ZSCAN5A: variants seen among roughly 807,000 people sequenced by gnomAD.
ZSCAN5A encodes the protein zinc finger and SCAN domain-containing protein 5A.
In ZSCAN5A, 12 loss-of-function variants were observed where a neutral mutation model predicts 23.7. The observed-to-expected ratio is 0.51, with a 90% confidence interval of 0.32 to 0.82. The LOEUF (loss-of-function observed/expected upper bound fraction) is 0.82, where lower values mean the gene tolerates loss of function less well. ZSCAN5A is among the 40% of genes least tolerant of loss of function. ZSCAN5A has a pLI of 0.03. For missense variants in ZSCAN5A, 597 were observed against 617.9 expected (o/e 0.97, Z 0.36); for synonymous variants, 257 against 239.9 (o/e 1.07, Z -0.66).
At chr19:56,289,994 C>A (rs1343681676) in intron 2 of ZSCAN5A, among the ~76,000 whole-genome samples, 1 of 152,170 alleles carries the variant, frequency 6.6e-6, no homozygotes, top group Non-Finnish European at 1.5e-5. Flanking sequence ...ACTGGAGAAC[C>A]TGCCTCTATT....
At chr19:56,339,842 G>A (rs925873269) in intron 2 of ZSCAN5A, among the ~76,000 whole-genome samples, 1 of 151,982 alleles carries the variant, frequency 6.6e-6, no homozygotes, top group Admixed American at 6.6e-5. Context: ...GTGAAGGAGC[G>A]GTTGTAGCCG....
chr19:56,271,860 G>A (rs1475618050), intron 2 of ZSCAN5A, among the ~76,000 whole-genome samples: 1 of 152,180 alleles, frequency 6.6e-6, no homozygotes, highest in Non-Finnish European at 1.5e-5. Flanking sequence ...GGGATACTGG[G>A]TCAAGTTCAT....
At position 56,226,125 on chromosome 19, in the gene ZSCAN5A, G is replaced by C. The variant is rs536486511; in HGVS notation, c.-127-952C>G. ...AGCCCTGCTTTCCTAGACACAGGTGGGGGAAGCAACCTGAAGGTCTGCAGA... is the reference window on the plus strand; with the variant it reads ...AGCCCTGCTTTCCTAGACACAGGTGCGGGAAGCAACCTGAAGGTCTGCAGA... On this transcript the variant is annotated intron_variant, in intron 2 of 5. Transcript: ENST00000683990. 2.1e-3 allele frequency among the ~76,000 whole-genome samples: 318 copies of C among 152,196 alleles called. 1 individual carries two copies. Among genetic ancestry groups the C allele is most frequent in the African/African-American group, 7.1e-3 (296 of 41,522 alleles).
At chr19:56,262,723 C>A (rs1568663982) in intron 2 of ZSCAN5A, among the ~76,000 whole-genome samples, 2 of 151,996 alleles carry the variant, frequency 1.3e-5, no homozygotes, top group Non-Finnish European at 2.9e-5. Context: ...TGAGCCACTG[C>A]GCCCGGCCCT....
intron 2 of ZSCAN5A, among the ~76,000 whole-genome samples, chr19:56,259,511 C>T (rs2036967495): frequency 6.6e-6 from 1 of 152,140 alleles, no homozygotes; most frequent in Non-Finnish European, 1.5e-5. Context: ...CCTCTCTGCC[C>T]CTTTTGTTTA....
chr19:56,297,987 ATTAT>A (rs1460483117), intron 2 of ZSCAN5A: 1 of 150,352 alleles, frequency 6.7e-6, no homozygotes, highest in East Asian at 2.0e-4. Context: ...AGGCAGGAGG[ATTAT>A]TTGAGCTGGG....
At chr19:56,357,912 G>A (rs2041708622) in intron 2 of ZSCAN5A, among the ~76,000 whole-genome samples, 1 of 148,466 alleles carries the variant, frequency 6.7e-6, no homozygotes, top group Non-Finnish European at 1.5e-5. Context: ...TAAACGGATG[G>A]AGGAAAATTT....
At chr19:56,324,736 G>A (rs2041417100) in intron 2 of ZSCAN5A, among the ~76,000 whole-genome samples, 1 of 151,812 alleles carries the variant, frequency 6.6e-6, no homozygotes, top group Non-Finnish European at 1.5e-5. Flanking sequence ...TGGAGGAAAA[G>A]TTAAATATTA....
intron 2 of ZSCAN5A, chr19:56,263,161 A>G (rs987954139): frequency 1.3e-5 from 2 of 152,138 alleles, no homozygotes; most frequent in African/African-American, 4.8e-5. Context: ...TCTTCTTCCA[A>G]GAAGATTGCC....
chr19:56,341,702 C>CAAAAAAAA lies in ZSCAN5A; in HGVS notation c.-358+21525_-358+21532dup, dbSNP rs1175628460. On this transcript the variant is annotated intron_variant, in intron 2 of 6. Coordinates refer to the ZSCAN5A transcript ENST00000587340. The stretch of plus-strand genomic sequence containing the variant: ...ATCTTCTAGGCAGGTTACCAAAAGG[C>CAAAAAAAA]AAAAAAAAAAAAAAAAAAAAAAAAA... Among the ~76,000 whole-genome samples the CAAAAAAAA allele has an allele frequency of 3.1e-3, 166 of 53,608 alleles. 1 individual carries two copies. The highest frequency in any genetic ancestry group is 3.4e-3 in the South Asian group (4 of 1,164). The allele number at this position is 53,608 out of a possible 152,430, so 35.2% of individuals were successfully genotyped here.
chr19:56,247,942 A>C (rs10853887), intron 2 of ZSCAN5A, among the ~76,000 whole-genome samples: 1 of 151,764 alleles, frequency 6.6e-6, no homozygotes, highest in Non-Finnish European at 1.5e-5. Flanking sequence ...CGCCCGCCTC[A>C]CCCTCCCAAA....
intron 2 of ZSCAN5A, among the ~76,000 whole-genome samples, chr19:56,268,626 T>A (rs987216179): frequency 2.6e-5 from 4 of 152,152 alleles, no homozygotes; most frequent in African/African-American, 7.2e-5. Flanking sequence ...AAAACTTTTT[T>A]AATTGAGGTA....
rs541786418 is a variant in ZSCAN5A at position 56,241,176 on chromosome 19, C to A, written c.-127-16003G>T. The stretch of plus-strand genomic sequence containing the variant: ...CCAGAATTGAATACTAACCCGCATA[C>A]CTGCCTTTATTTTTTCCCATGTTCC... On this transcript the variant is annotated intron_variant, in intron 2 of 5. Coordinates refer to ENST00000683990, the MANE Select transcript of ZSCAN5A (RefSeq NM_001322064.3). Among the ~76,000 whole-genome samples, 4 of 152,346 alleles carry A rather than the reference C, an allele frequency of 2.6e-5. No individual in the cohort carries two copies. In the East Asian group the frequency reaches 5.8e-4, roughly 22 times the overall value.
chr19:56,322,033 A>G, intron 2 of ZSCAN5A: 1 of 776,060 alleles, frequency 1.3e-6, no homozygotes. Context: ...GGCTGTTTTT[A>G]GTCCTCTGGT....
intron 2 of ZSCAN5A, among the ~76,000 whole-genome samples, chr19:56,282,068 T>A (rs1050288712): frequency 6.6e-6 from 1 of 152,114 alleles, no homozygotes; most frequent in Non-Finnish European, 1.5e-5. Flanking sequence ...CTGGGTTAGA[T>A]TGTGTGTATT....
intron 2 of ZSCAN5A, chr19:56,340,844 A>C (rs1452680432): frequency 6.6e-6 from 1 of 152,226 alleles, no homozygotes; most frequent in Non-Finnish European, 1.5e-5. Flanking sequence ...CCACCTTGCC[A>C]TGTCAATTCA....
At chr19:56,303,868 C>T (rs2147293485) in intron 2 of ZSCAN5A, among the ~76,000 whole-genome samples, 1 of 152,244 alleles carries the variant, frequency 6.6e-6, no homozygotes, top group Admixed American at 6.5e-5. Context: ...TTCAGAGCAG[C>T]TTGGGGGCAA....
At chr19:56,278,108 T>TC (rs1210843774) in intron 2 of ZSCAN5A, among the ~76,000 whole-genome samples, 1 of 152,100 alleles carries the variant, frequency 6.6e-6, no homozygotes, top group Admixed American at 6.6e-5. Context: ...GCTATTTTTT[T>TC]TTTTTTTAGC....
chr19:56,292,411 C>A (rs2039570968), intron 2 of ZSCAN5A, among the ~76,000 whole-genome samples: 1 of 151,034 alleles, frequency 6.6e-6, no homozygotes, highest in African/African-American at 2.4e-5. Context: ...TACAGGTGTG[C>A]ATCATCACAC....
Sources: allele counts gnomAD v4.1 joint callset (sites outside exome capture counted in the v4.1 genomes callset), GRCh38; gene constraint gnomAD v4.1.1; transcripts MANE v1.5; gene names NCBI Gene and HGNC (gene_info 2026-07-23, HGNC 2026-07-21).